The following STX3 variants were observed in gnomAD, a reference collection of about 807,000 sequenced individuals.
STX3 encodes the protein syntaxin 3, also known as syntaxin-3.
Under a neutral mutation model 40.2 loss-of-function variants are expected in STX3, and 19 were observed. The ratio of observed to expected loss-of-function variants is 0.47; its 90% CI spans 0.33 to 0.69. The LOEUF (loss-of-function observed/expected upper bound fraction) is 0.69, where lower values mean the gene tolerates loss of function less well. Ranked by LOEUF, STX3 falls within the 30% of genes least tolerant of loss-of-function variation. The pLI is 0.02. For synonymous variants in STX3, 122 were observed against 132.2 expected (o/e 0.92, Z 0.53); for missense variants, 364 against 366.7 (o/e 0.99, Z 0.06).
chr11:59,755,474 C>T lies in STX3; in HGVS notation c.-132C>T. 2 of 1,174,116 alleles carry T rather than the reference C, an allele frequency of 1.7e-6. No homozygotes were observed. The highest frequency in any genetic ancestry group is 2.2e-6 in the Non-Finnish European group (2 of 896,026). 72.7% of individuals were successfully genotyped at this position (1,174,116 alleles called of 1,614,324 possible). On this transcript the variant is annotated 5_prime_UTR_variant, in exon 1 of 11. Coordinates refer to ENST00000337979, the MANE Select transcript of STX3 (RefSeq NM_004177.5). ...CTCCTAGCTAGCGGCCGCCGCCCGCCGCCGCCTGCGCCTCCAGCTCCTTCG... is the reference window on the plus strand; with the variant it reads ...CTCCTAGCTAGCGGCCGCCGCCCGCTGCCGCCTGCGCCTCCAGCTCCTTCG...
chr11:59,786,989 C>A, intron 2 of STX3, 48 bp from the exon 3 acceptor site: 1 of 1,526,334 alleles, frequency 6.6e-7, no homozygotes, highest in Non-Finnish European at 9.1e-7. Context: ...CAGCCATGGA[C>A]CTGTACTTCC....
intron 9 of STX3, 78 bp from the exon 10 acceptor site, chr11:59,797,205 G>A: frequency 9.5e-7 from 1 of 1,051,110 alleles, no homozygotes; most frequent in Non-Finnish European, 1.5e-6. Context: ...GAGGTGACAG[G>A]GGTTAGGTTT....
chr11:59,797,421 G>C (rs1865590315), intron 10 of STX3, 25 bp downstream of exon 10: 2 of 1,579,360 alleles, frequency 1.3e-6, no homozygotes, highest in Non-Finnish European at 8.7e-7. Flanking sequence ...GGTTCTTGGG[G>C]ACTCTGGATT....
chr11:59,801,678 A>C lies in STX3; in HGVS notation c.*854A>C, dbSNP rs1865893441. On this transcript the variant is annotated 3_prime_UTR_variant, in exon 11 of 11. Transcript: ENST00000337979. ...AATTGGGCAAGGGACAAGGTGCTAG[A>C]ATCCTAAGCTCTGGAAATATTTCAT... is the stretch of plus-strand genomic sequence containing the variant. 1.0e-6 allele frequency: 1 copy of C among 985,828 alleles called. No individual in the cohort carries two copies. Among genetic ancestry groups the C allele is most frequent in the African/African-American group, 1.7e-5 (1 of 57,366 alleles). 61.1% of individuals were successfully genotyped at this position (985,828 alleles called of 1,614,324 possible).
chr11:59,771,400 A>ACCCCCC (rs1565168425), intron 1 of STX3, among the ~76,000 whole-genome samples: 1 of 42,258 alleles, frequency 2.4e-5, no homozygotes, highest in African/African-American at 1.0e-4. Flanking sequence ...CCGTCCCCCC[A>ACCCCCC]CCTCCCCCCC....
intron 1 of STX3, among the ~76,000 whole-genome samples, chr11:59,770,238 G>C (rs1863527738): frequency 6.6e-6 from 1 of 150,456 alleles, no homozygotes; most frequent in African/African-American, 2.5e-5. Context: ...TAATGTACGT[G>C]TGTAGGGTGT....
chr11:59,756,773 A>G (rs1435669240), intron 1 of STX3, among the ~76,000 whole-genome samples: 2 of 152,242 alleles, frequency 1.3e-5, no homozygotes, highest in Non-Finnish European at 2.9e-5. Context: ...TGTAAGGTCG[A>G]AATGCAACAG....
chr11:59,756,382 C>T (rs118094635), intron 1 of STX3, among the ~76,000 whole-genome samples: 18 of 152,276 alleles, frequency 1.2e-4, no homozygotes, highest in Non-Finnish European at 1.9e-4. Context: ...AAAGGGTTAA[C>T]GCATAGGGTT....
chr11:59,763,891 G>A (rs948871346), intron 1 of STX3, among the ~76,000 whole-genome samples: 1 of 152,090 alleles, frequency 6.6e-6, no homozygotes. Context: ...GGTGGCGCAT[G>A]CCTGTAATCC....
At chr11:59,785,517 G>A (rs538489226) in intron 2 of STX3, among the ~76,000 whole-genome samples, 8 of 152,184 alleles carry the variant, frequency 5.3e-5, no homozygotes, top group Non-Finnish European at 8.8e-5. Flanking sequence ...TTTTTGTAGC[G>A]ACGGGGTTTT....
intron 8 of STX3, among the ~76,000 whole-genome samples, chr11:59,794,873 A>G (rs371458250): frequency 5.3e-5 from 8 of 152,334 alleles, no homozygotes; most frequent in East Asian, 1.9e-4. Context: ...TCCCCACCTC[A>G]GATAGTTATT....
intron 2 of STX3, among the ~76,000 whole-genome samples, chr11:59,780,106 A>C (rs1864263480): frequency 6.6e-6 from 1 of 152,104 alleles, no homozygotes; most frequent in African/African-American, 2.4e-5. Context: ...TATCACAGGG[A>C]ACTACATTTC....
At chr11:59,761,873 A>G (rs1344385320) in intron 1 of STX3, among the ~76,000 whole-genome samples, 1 of 152,018 alleles carries the variant, frequency 6.6e-6, no homozygotes, top group East Asian at 1.9e-4. Context: ...ATTTATGGAA[A>G]AGTTGCAAAG....
chr11:59,764,028 AAAAT>A (rs1863167196), intron 1 of STX3, among the ~76,000 whole-genome samples: 2 of 152,324 alleles, frequency 1.3e-5, no homozygotes, highest in African/African-American at 4.8e-5. Flanking sequence ...CAAAAAAAAA[AAAAT>A]AAAAGGAATG....
At position 59,755,748 on chromosome 11, in the gene STX3, C is replaced by A. The variant is rs3758871; in HGVS notation, c.30+113C>A. The A allele has an allele frequency of 1.7e-5, 23 of 1,351,572 alleles. No homozygotes were observed. The East Asian group carries it at 6.7e-4, about 39-fold the overall frequency. 83.7% of individuals were successfully genotyped at this position (1,351,572 alleles called of 1,614,324 possible). On this transcript the variant is annotated intron_variant, in intron 1 of 10. Transcript: ENST00000337979. ...GGGGCCCGAGCCGGAGGCTTGCCCTCCCCAAGCCCCCACCGCTTCCCGCGC... is the reference window on the plus strand; with the variant it reads ...GGGGCCCGAGCCGGAGGCTTGCCCTACCCAAGCCCCCACCGCTTCCCGCGC...
rs553060705 is a variant in STX3 at position 59,800,596 on chromosome 11, G to A, written c.*31-259G>A. 3.2e-5 allele frequency: 32 copies of A among 985,410 alleles called. No individual in the cohort carries two copies. The South Asian group carries it at 5.6e-4, about 17-fold the overall frequency. The allele number at this position is 985,410 out of a possible 1,614,324, so 61.0% of individuals were successfully genotyped here. On this transcript the variant is annotated intron_variant, in intron 10 of 10. Coordinates refer to ENST00000337979, the MANE Select transcript of STX3 (RefSeq NM_004177.5). The stretch of plus-strand genomic sequence containing the variant: ...ACTAGGGATTGTCCCTTCCCACCAC[G>A]TCCTTCCATGGGTGTGGACAGCCTG...
rs1865895611 is a variant in STX3, at chr11:59,801,747, G to A, written c.*923G>A. ...CATGTGTTCCAGATGTATTCTAATT[G>A]TGTATGAAATGTATGTACACATAAG... On this transcript the variant is annotated 3_prime_UTR_variant, in exon 11 of 11. Transcript: ENST00000337979. 6.1e-6 allele frequency: 6 copies of A among 985,542 alleles called. No homozygotes were observed. The highest frequency in any genetic ancestry group is 7.2e-6 in the Non-Finnish European group (6 of 829,914). The allele number at this position is 985,542 out of a possible 1,614,324, so 61.0% of individuals were successfully genotyped here.
chr11:59,789,016 T>G (rs1864950769), intron 4 of STX3, 69 bp downstream of exon 4: 2 of 1,416,552 alleles, frequency 1.4e-6, no homozygotes, highest in Admixed American at 4.2e-5. Flanking sequence ...AGGGTCCAGC[T>G]TTCCGAACTG....
At chr11:59,763,319 T>C (rs1565162320) in intron 1 of STX3, among the ~76,000 whole-genome samples, 1 of 152,218 alleles carries the variant, frequency 6.6e-6, no homozygotes, top group Non-Finnish European at 1.5e-5. Flanking sequence ...CACAGATTCC[T>C]TGTTAGTGTA....
Sources: allele counts gnomAD v4.1 joint callset (sites outside exome capture counted in the v4.1 genomes callset), GRCh38; gene constraint gnomAD v4.1.1; transcripts MANE v1.5; gene names NCBI Gene and HGNC (gene_info 2026-07-23, HGNC 2026-07-21).